RAD51B: variants seen among roughly 807,000 people sequenced by gnomAD.
RAD51B encodes the protein RAD51 paralog B.
RAD51B carries 38 observed loss-of-function variants against 42.2 expected under a neutral mutation model. The ratio of observed to expected loss-of-function variants is 0.90; its 90% CI spans 0.70 to 1.18. The LOEUF (loss-of-function observed/expected upper bound fraction) is 1.18. RAD51B is among the 50% of genes most tolerant of loss of function. RAD51B has a pLI of 0.00. For missense variants in RAD51B, 373 were observed against 400.7 expected (o/e 0.93, Z 0.59); for synonymous variants, 154 against 145.2 (o/e 1.06, Z -0.43).
intron 5 of RAD51B, among the ~76,000 whole-genome samples, chr14:67,880,796 T>C (rs8018883): frequency 0.06 from 9,172 of 152,274 alleles, 664 homozygotes; most frequent in African/African-American, 0.18. Context: ...TAACATATGT[T>C]TTTCAAGAGT....
At chr14:68,188,512 T>G (rs1595528223) in intron 7 of RAD51B, among the ~76,000 whole-genome samples, 1 of 152,336 alleles carries the variant, frequency 6.6e-6, no homozygotes, top group East Asian at 1.9e-4. Context: ...CAATATTAGG[T>G]TTGTCTATGG....
intron 7 of RAD51B, among the ~76,000 whole-genome samples, chr14:67,980,526 G>A (rs781385201): frequency 6.6e-6 from 1 of 152,132 alleles, no homozygotes; most frequent in Non-Finnish European, 1.5e-5. Context: ...ATCAAGGCAG[G>A]GTATTGGCAT....
rs754018594 is a variant in RAD51B at position 67,861,228 on chromosome 14, G to T, written c.316-3775G>T. Among the ~76,000 whole-genome samples the T allele has an allele frequency of 3.8e-4, 58 of 151,734 alleles. 1 individual carries two copies. Among genetic ancestry groups the T allele is most frequent in the Non-Finnish European group, 4.4e-4 (30 of 67,926 alleles). ...AAAAAAACAAAAAATCCTAACTGTT[G>T]TATAGAATCCCTAGTGTACTCTATA... On this transcript the variant is annotated intron_variant, in intron 4 of 10. Coordinates refer to ENST00000471583, the MANE Select transcript of RAD51B (RefSeq NM_133510.4).
At chr14:68,264,622 C>T (rs1450205941) in intron 7 of RAD51B, among the ~76,000 whole-genome samples, 1 of 152,130 alleles carries the variant, frequency 6.6e-6, no homozygotes, top group African/African-American at 2.4e-5. Context: ...AAAGTAGATA[C>T]AAATTTGTTA....
intron 10 of RAD51B, among the ~76,000 whole-genome samples, chr14:68,558,087 C>T (rs766420796): frequency 3.3e-5 from 5 of 152,214 alleles, no homozygotes; most frequent in Non-Finnish European, 5.9e-5. Flanking sequence ...CTGTTCTCGT[C>T]CTCTCTCAGT....
intron 7 of RAD51B, among the ~76,000 whole-genome samples, chr14:68,279,731 A>G (rs1004906812): frequency 1.3e-5 from 2 of 152,272 alleles, no homozygotes; most frequent in Admixed American, 1.3e-4. Context: ...AAAAATAAAT[A>G]CAAATATCAT....
intron 7 of RAD51B, among the ~76,000 whole-genome samples, chr14:68,208,218 G>A (rs1487056066): frequency 6.6e-6 from 1 of 152,122 alleles, no homozygotes; most frequent in African/African-American, 2.4e-5. Context: ...TTATAAATTG[G>A]GTTGGATCTA....
At chr14:68,303,354 T>A (rs929166118) in intron 8 of RAD51B, among the ~76,000 whole-genome samples, 4 of 151,150 alleles carry the variant, frequency 2.6e-5, no homozygotes, top group African/African-American at 9.8e-5. Flanking sequence ...AAATACCTAA[T>A]GTAGATGACA....
At position 68,429,887 on chromosome 14, in the gene RAD51B, C is replaced by T. The variant is rs7492911; in HGVS notation, c.957+18360C>T. Among the ~76,000 whole-genome samples the T allele has an allele frequency of 3.1e-3, 473 of 151,116 alleles. 2 individuals carry two copies. Among genetic ancestry groups the T allele is most frequent in the African/African-American group, 0.011 (456 of 40,468 alleles). ...AGGGTTTTTATGGTTTTAGGTCCAA[C>T]ATGTAAGTCTTTAATCCATCTTGAA... On this transcript the variant is annotated intron_variant, in intron 9 of 10. Transcript: ENST00000471583.
chr14:68,176,346 A>G (rs1458871864), intron 7 of RAD51B, among the ~76,000 whole-genome samples: 1 of 152,220 alleles, frequency 6.6e-6, no homozygotes, highest in Non-Finnish European at 1.5e-5. Flanking sequence ...ACCCAGGTCC[A>G]ACTAATTCCA....
chr14:68,153,162 C>G (rs1461104311), intron 7 of RAD51B, among the ~76,000 whole-genome samples: 1 of 152,098 alleles, frequency 6.6e-6, no homozygotes, highest in East Asian at 1.9e-4. Flanking sequence ...TACTGTGCCA[C>G]TTTACGTATA....
At chr14:68,197,367 C>CT (rs963474308) in intron 7 of RAD51B, among the ~76,000 whole-genome samples, 47 of 151,926 alleles carry the variant, frequency 3.1e-4, no homozygotes, top group Non-Finnish European at 4.0e-4. Context: ...TTGTTAATTC[C>CT]TTTTTTAGTA....
chr14:68,308,532 C>G (rs1289029962), intron 8 of RAD51B, among the ~76,000 whole-genome samples: 1 of 151,998 alleles, frequency 6.6e-6, no homozygotes, highest in African/African-American at 2.4e-5. Flanking sequence ...ATATTTTTCT[C>G]TGCCCTTAGA....
At chr14:68,523,483 G>C (rs576181926) in intron 10 of RAD51B, among the ~76,000 whole-genome samples, 1 of 152,324 alleles carries the variant, frequency 6.6e-6, no homozygotes, top group Non-Finnish European at 1.5e-5. Flanking sequence ...GTTCCCTTTT[G>C]AGTTTGGGTG....
intron 9 of RAD51B, among the ~76,000 whole-genome samples, chr14:68,432,428 G>T (rs1420332041): frequency 6.6e-6 from 1 of 152,074 alleles, no homozygotes; most frequent in African/African-American, 2.4e-5. Context: ...TATGAATCTG[G>T]GTGCTCCTGT....
intron 8 of RAD51B, among the ~76,000 whole-genome samples, chr14:68,309,852 G>A (rs191376973): frequency 5.3e-5 from 8 of 152,250 alleles, no homozygotes; most frequent in Admixed American, 6.5e-5. Context: ...CTAGCCAAAG[G>A]AAGTGAATAA....
intron 7 of RAD51B, among the ~76,000 whole-genome samples, chr14:68,079,974 A>G (rs1163645358): frequency 6.6e-6 from 1 of 152,228 alleles, no homozygotes; most frequent in Non-Finnish European, 1.5e-5. Flanking sequence ...TGATAATTAC[A>G]TATTACCTGG....
intron 11 of RAD51B, among the ~76,000 whole-genome samples, chr14:68,675,862 A>G (rs569124957): frequency 6.6e-6 from 1 of 151,896 alleles, no homozygotes; most frequent in East Asian, 1.9e-4. Context: ...TCAATCCTCC[A>G]TCTCCACCTG....
intron 7 of RAD51B, among the ~76,000 whole-genome samples, chr14:68,166,166 C>CT (rs1373542862): frequency 5.6e-5 from 4 of 71,584 alleles, no homozygotes; most frequent in East Asian, 1.2e-3. Flanking sequence ...ATTATTTCTG[C>CT]TCTTTTTTTT....
Sources: gnomAD v4.1 joint callset for allele counts (sites outside exome capture counted in the v4.1 genomes callset) on GRCh38, gnomAD v4.1.1 for gene constraint, MANE v1.5 for transcripts, NCBI Gene and HGNC (gene_info 2026-07-23, HGNC 2026-07-21) for gene names.